The following KCNIP4 variants were observed in gnomAD, a reference collection of about 807,000 sequenced individuals.
KCNIP4 encodes Kv channel-interacting protein 4.
In KCNIP4, 12 loss-of-function variants were observed where a neutral mutation model predicts 34.0. That is an observed-to-expected ratio of 0.35 (90% CI 0.23 to 0.57). The LOEUF is 0.57. Ranked by LOEUF, KCNIP4 falls within the 20% of genes least tolerant of loss-of-function variation. The probability of loss-of-function intolerance (pLI) is 0.83; values close to 1 mark genes in which losing one functional copy is unlikely to be tolerated. For missense variants in KCNIP4, 238 were observed against 311.7 expected (o/e 0.76, Z 1.78); for synonymous variants, 124 against 102.2 (o/e 1.21, Z -1.29).
chr4:21,818,076 A>G (rs1487643434), intron 1 of KCNIP4, among the ~76,000 whole-genome samples: 2 of 152,090 alleles, frequency 1.3e-5, no homozygotes, highest in Admixed American at 6.6e-5. Flanking sequence ...AACCCTTAAT[A>G]AAAACCTGCT....
At chr4:20,930,805 G>A (rs2149600894) in intron 1 of KCNIP4, among the ~76,000 whole-genome samples, 1 of 149,168 alleles carries the variant, frequency 6.7e-6, no homozygotes, top group South Asian at 2.1e-4. Flanking sequence ...ACCACTATGA[G>A]ATATCACCCT....
rs376070855 is a variant in KCNIP4 at position 21,222,631 on chromosome 4, C to T, written c.62-339922G>A. On this transcript the variant is annotated intron_variant, in intron 1 of 8. Transcript: ENST00000382152. ...CTTTAGAATATTATTTACTTAAACA[C>T]AACTAAGTAAAATTTTTTACACTCT... is the stretch of plus-strand genomic sequence containing the variant. Among the ~76,000 whole-genome samples, 8 of 152,266 alleles carry T rather than the reference C, an allele frequency of 5.3e-5. No homozygotes were observed. In the East Asian group the frequency reaches 1.5e-3, roughly 29 times the overall value.
At chr4:21,439,266 G>A (rs1486117587) in intron 1 of KCNIP4, among the ~76,000 whole-genome samples, 2 of 151,860 alleles carry the variant, frequency 1.3e-5, no homozygotes, top group African/African-American at 4.8e-5. Context: ...TGGGAATGTA[G>A]ATGGCTTTTT....
At chr4:21,201,024 G>T (rs1297848746) in intron 1 of KCNIP4, among the ~76,000 whole-genome samples, 3 of 152,106 alleles carry the variant, frequency 2.0e-5, no homozygotes, top group Non-Finnish European at 4.4e-5. Flanking sequence ...TGAATAAGAG[G>T]TTGAGATTCA....
At chr4:21,558,707 G>C (rs1167586499) in intron 1 of KCNIP4, among the ~76,000 whole-genome samples, 1 of 152,050 alleles carries the variant, frequency 6.6e-6, no homozygotes, top group African/African-American at 2.4e-5. Context: ...TCAAAGTGAT[G>C]ATTAAAGAAA....
intron 2 of KCNIP4, among the ~76,000 whole-genome samples, chr4:20,856,428 AC>A (rs1208433191): frequency 5.3e-5 from 8 of 152,074 alleles, no homozygotes; most frequent in Non-Finnish European, 7.4e-5. Flanking sequence ...AAAATTGGTG[AC>A]CCCCTGGTCA....
intron 1 of KCNIP4, among the ~76,000 whole-genome samples, chr4:20,921,256 G>A (rs1466945438): frequency 6.6e-6 from 1 of 152,156 alleles, no homozygotes; most frequent in Non-Finnish European, 1.5e-5. Flanking sequence ...TTGTAATATA[G>A]GGCTGATGAG....
intron 3 of KCNIP4, among the ~76,000 whole-genome samples, chr4:20,830,232 C>T (rs1262075917): frequency 6.6e-6 from 1 of 152,150 alleles, no homozygotes; most frequent in Non-Finnish European, 1.5e-5. Context: ...TTCTTTACCC[C>T]TATGTTTGAC....
chr4:21,416,330 G>A (rs1724952019), intron 1 of KCNIP4, among the ~76,000 whole-genome samples: 1 of 152,154 alleles, frequency 6.6e-6, no homozygotes, highest in Non-Finnish European at 1.5e-5. Context: ...GTAAAGATGT[G>A]GCATGTCTAG....
intron 1 of KCNIP4, among the ~76,000 whole-genome samples, chr4:21,356,851 A>G (rs967652372): frequency 1.3e-5 from 2 of 152,104 alleles, no homozygotes; most frequent in African/African-American, 4.8e-5. Flanking sequence ...AAGAGCCCGC[A>G]TAGCCAAGAT....
intron 5 of KCNIP4, among the ~76,000 whole-genome samples, chr4:20,744,718 G>A (rs1752028052): frequency 1.3e-5 from 2 of 152,148 alleles, no homozygotes; most frequent in Admixed American, 1.3e-4. Context: ...GTATACATAT[G>A]TAACAAACCT....
chr4:21,347,015 A>G (rs1332479029), intron 1 of KCNIP4, among the ~76,000 whole-genome samples: 1 of 152,178 alleles, frequency 6.6e-6, no homozygotes, highest in African/African-American at 2.4e-5. Context: ...AATGGTTAAG[A>G]ATATAGGTTT....
intron 1 of KCNIP4, among the ~76,000 whole-genome samples, chr4:20,975,040 C>A (rs1735345292): frequency 6.6e-6 from 1 of 152,088 alleles, no homozygotes; most frequent in East Asian, 1.9e-4. Flanking sequence ...GAGGTAGCTA[C>A]GACTAGTACT....
At chr4:21,800,980 T>C (rs1720954720) in intron 1 of KCNIP4, among the ~76,000 whole-genome samples, 1 of 152,162 alleles carries the variant, frequency 6.6e-6, no homozygotes, top group Non-Finnish European at 1.5e-5. Flanking sequence ...ACACTTTCAT[T>C]ACATTCATTC....
At chr4:21,795,435 C>T (rs1720559477) in intron 1 of KCNIP4, among the ~76,000 whole-genome samples, 1 of 152,172 alleles carries the variant, frequency 6.6e-6, no homozygotes, top group South Asian at 2.1e-4. Context: ...AAAGGGAAAG[C>T]TGCCTGATAA....
chr4:20,857,877 G>A (rs1721771221), intron 2 of KCNIP4, among the ~76,000 whole-genome samples: 1 of 152,000 alleles, frequency 6.6e-6, no homozygotes, highest in Non-Finnish European at 1.5e-5. Flanking sequence ...TATGTTGAAG[G>A]TCTAACCCTG....
chr4:21,310,567 A>G (rs777334696), intron 1 of KCNIP4, among the ~76,000 whole-genome samples: 4 of 152,200 alleles, frequency 2.6e-5, no homozygotes, highest in Non-Finnish European at 5.9e-5. Flanking sequence ...TGACCCTTCA[A>G]AATGAACTGA....
At chr4:20,749,152 T>TC (rs199628590) in intron 5 of KCNIP4, among the ~76,000 whole-genome samples, 1,496 of 91,154 alleles carry the variant, frequency 0.016, 19 homozygotes, top group African/African-American at 0.022. Context: ...AGCGAGACTC[T>TC]TTCAAAAAAA....
intron 1 of KCNIP4, among the ~76,000 whole-genome samples, chr4:21,494,354 G>T (rs1732664653): frequency 6.6e-6 from 1 of 151,982 alleles, no homozygotes; most frequent in Non-Finnish European, 1.5e-5. Flanking sequence ...ACCAATGACA[G>T]CCAAATGGAA....
Sources: allele counts gnomAD v4.1 joint callset (sites outside exome capture counted in the v4.1 genomes callset), GRCh38; gene constraint gnomAD v4.1.1; transcripts MANE v1.5; gene names NCBI Gene and HGNC (gene_info 2026-07-23, HGNC 2026-07-21).